The following TSGA10 variants were observed in gnomAD, a reference collection of about 807,000 sequenced individuals.
TSGA10 encodes the protein testis specific 10, also known as testis-specific gene 10 protein.
In TSGA10, 43 loss-of-function variants were observed where a neutral mutation model predicts 96.6. The ratio of observed to expected loss-of-function variants is 0.44; its 90% CI spans 0.35 to 0.57. TSGA10 has a LOEUF of 0.57. Ranked by LOEUF, TSGA10 falls within the 20% of genes least tolerant of loss-of-function variation. TSGA10 has a pLI of 0.01. For missense variants in TSGA10, 703 were observed against 834.4 expected (o/e 0.84, Z 1.94); for synonymous variants, 229 against 269.9 (o/e 0.85, Z 1.48).
rs1264466901 is a variant in TSGA10 at position 99,018,337 on chromosome 2, T to G, written c.1935A>C (p.Val645=). 9 of 1,614,068 alleles carry G rather than the reference T, an allele frequency of 5.6e-6. No homozygotes were observed. Among genetic ancestry groups the G allele is most frequent in the Non-Finnish European group, 6.8e-6 (8 of 1,180,032 alleles). The part of the protein sequence containing the change: ...GTERFERERA[V]QELRRQNYSS... ...AATAATTTTGGCGGCGAAGTTCTTG[T>G]ACGGCCCTCTCCCTAAAGCAAAATA... is the stretch of plus-strand genomic sequence containing the variant. The change falls in exon 20 of 21, where the codon GTA becomes GTC. Residue 645 remains valine (V), a synonymous_variant. Coordinates refer to ENST00000393483, the MANE Select transcript of TSGA10 (RefSeq NM_025244.4).
chr2:99,023,396 CAGA>C (rs907632594), intron 17 of TSGA10, among the ~76,000 whole-genome samples: 4 of 151,194 alleles, frequency 2.6e-5, no homozygotes, highest in South Asian at 2.1e-4. Context: ...ATTTGCAGCA[CAGA>C]AGGTTTTTTT....
chr2:99,115,595 T>A lies in TSGA10; in HGVS notation c.-140+1949A>T, dbSNP rs62156392. Among the ~76,000 whole-genome samples the A allele has an allele frequency of 5.6e-3, 852 of 152,070 alleles. 4 individuals carry two copies. The highest frequency in any genetic ancestry group is 8.4e-3 in the Non-Finnish European group (568 of 67,944). ...CTCGTGTATTTAAATATTGCACTAT[T>A]ATGGCCAGGTGTGGTGGCTCATGCC... On this transcript the variant is annotated intron_variant, in intron 4 of 20. Coordinates refer to ENST00000393483, the MANE Select transcript of TSGA10 (RefSeq NM_025244.4).
intron 20 of TSGA10, among the ~76,000 whole-genome samples, chr2:99,014,736 C>A (rs571495713): frequency 6.6e-6 from 1 of 152,014 alleles, no homozygotes; most frequent in South Asian, 2.1e-4. Flanking sequence ...AATTGATAGA[C>A]CACTAGCGAG....
At chr2:99,035,188 C>A in intron 17 of TSGA10, 42 bp downstream of exon 17, 1 of 1,416,234 alleles carries the variant, frequency 7.1e-7, no homozygotes, top group African/African-American at 1.5e-5. Flanking sequence ...ACTAACTTTA[C>A]AGTAATAGCA....
rs547227091 is a variant in TSGA10, at chr2:99,078,504, A to T, written c.882+155T>A. Among the ~76,000 whole-genome samples, 6 of 152,314 alleles carry T rather than the reference A, an allele frequency of 3.9e-5. No individual in the cohort carries two copies. The South Asian group carries it at 1.2e-3, about 32-fold the overall frequency. On this transcript the variant is annotated intron_variant, in intron 12 of 20. Coordinates refer to ENST00000393483, the MANE Select transcript of TSGA10 (RefSeq NM_025244.4). ...ACACATGCTTCCTAAGACTATCTTA[A>T]AATATTTCAAAGTCAGATTTTGAAG...
At chr2:99,123,800 A>G (rs2092695780) in intron 2 of TSGA10, among the ~76,000 whole-genome samples, 2 of 152,176 alleles carry the variant, frequency 1.3e-5, no homozygotes, top group African/African-American at 2.4e-5. Context: ...ATTTTGCAGC[A>G]TGTATCAGAA....
In TSGA10 at chr2:99,108,821, T is replaced by A; in HGVS notation, c.210+12A>T. The stretch of plus-strand genomic sequence containing the variant: ...TGTTATTACTTATATAATTTGTTTT[T>A]TGTAAGTTTACCTGTTCATAAAGAA... On this transcript the variant is annotated intron_variant, in intron 7 of 20. Coordinates refer to ENST00000393483, the MANE Select transcript of TSGA10 (RefSeq NM_025244.4). 1 of 1,526,380 alleles carries A rather than the reference T, an allele frequency of 6.6e-7. No homozygotes were observed. Among genetic ancestry groups the A allele is most frequent in the Non-Finnish European group, 8.7e-7 (1 of 1,143,156 alleles). The allele number at this position is 1,526,380 out of a possible 1,614,324, so 94.6% of individuals were successfully genotyped here.
At chr2:99,140,448 C>A (rs2093489768) in intron 1 of TSGA10, among the ~76,000 whole-genome samples, 1 of 149,720 alleles carries the variant, frequency 6.7e-6, no homozygotes, top group African/African-American at 2.5e-5. Flanking sequence ...AACGTTGGGA[C>A]ACTATAATCT....
intron 1 of TSGA10, among the ~76,000 whole-genome samples, chr2:99,153,500 G>A (rs962585135): frequency 1.3e-5 from 2 of 152,082 alleles, no homozygotes; most frequent in African/African-American, 4.8e-5. Flanking sequence ...AATAACCAAG[G>A]GACAGAAGTC....
chr2:99,123,931 T>A (rs1396159787), intron 2 of TSGA10, among the ~76,000 whole-genome samples: 1 of 152,266 alleles, frequency 6.6e-6, no homozygotes, highest in Non-Finnish European at 1.5e-5. Context: ...ATAATGCTGC[T>A]ATGAGCATTT....
chr2:99,082,308 T>C (rs2087625660), intron 10 of TSGA10, among the ~76,000 whole-genome samples: 1 of 152,248 alleles, frequency 6.6e-6, no homozygotes, highest in Admixed American at 6.5e-5. Context: ...TGTTAATCTC[T>C]CTGTAACCAT....
At chr2:99,124,690 T>C (rs561342236) in intron 2 of TSGA10, 150 of 152,236 alleles carry the variant, frequency 9.9e-4, no homozygotes, top group African/African-American at 3.5e-3. Flanking sequence ...GTTCACACAA[T>C]TCTCCTGCCT....
In TSGA10 at chr2:99,036,057, AAG is replaced by A. The variant is rs2081599176; in HGVS notation, c.1405-620_1405-619del. Reference sequence around the variant, plus strand: ...GTTACATAAATGCTTTCGAATGTTCAAGATAATTCCACCCCCACCCTTTTCTT... The same window carrying A: ...GTTACATAAATGCTTTCGAATGTTCAATAATTCCACCCCCACCCTTTTCTT... On this transcript the variant is annotated intron_variant, in intron 16 of 20. Transcript: ENST00000393483. Among the ~76,000 whole-genome samples, 4 of 152,276 alleles carry A rather than the reference AAG, an allele frequency of 2.6e-5. No homozygotes were observed. The East Asian group carries it at 5.8e-4, about 22-fold the overall frequency.
At chr2:99,002,185 C>T (rs2077987687) in intron 20 of TSGA10, among the ~76,000 whole-genome samples, 1 of 152,122 alleles carries the variant, frequency 6.6e-6, no homozygotes, top group Non-Finnish European at 1.5e-5. Context: ...ACATAATTGT[C>T]AGATTCACCG....
rs1423523901 is a variant in TSGA10 at position 99,077,110 on chromosome 2, G to A, written c.882+1549C>T. On this transcript the variant is annotated intron_variant, in intron 12 of 20. Coordinates refer to ENST00000393483, the MANE Select transcript of TSGA10 (RefSeq NM_025244.4). ...CTCCTTATTACACTAGAGGCTTTGA[G>A]AAGGCGGACCATTCACCTTTTTTTT... Among the ~76,000 whole-genome samples the A allele has an allele frequency of 7.9e-5, 11 of 139,544 alleles. No individual in the cohort carries two copies. The East Asian group carries it at 2.5e-3, about 32-fold the overall frequency. The allele number at this position is 139,544 out of a possible 152,430, so 91.5% of individuals were successfully genotyped here.
intron 2 of TSGA10, among the ~76,000 whole-genome samples, chr2:99,120,183 C>A (rs1032508005): frequency 1.3e-5 from 2 of 152,062 alleles, no homozygotes; most frequent in Non-Finnish European, 2.9e-5. Flanking sequence ...TCATTTATTA[C>A]GTATCTCACA....
chr2:99,103,636 A>G (rs2104798922), intron 10 of TSGA10, among the ~76,000 whole-genome samples: 1 of 152,370 alleles, frequency 6.6e-6, no homozygotes, highest in South Asian at 2.1e-4. Context: ...ATCCCCAAAC[A>G]GAATTTAAAG....
At chr2:99,111,835 T>C (rs1179323666) in intron 4 of TSGA10, among the ~76,000 whole-genome samples, 3 of 152,144 alleles carry the variant, frequency 2.0e-5, no homozygotes, top group East Asian at 3.8e-4. Flanking sequence ...CTACTCTGAA[T>C]GTGTTAAGAT....
intron 12 of TSGA10, among the ~76,000 whole-genome samples, chr2:99,078,003 G>A (rs866074868): frequency 6.6e-6 from 1 of 151,676 alleles, no homozygotes; most frequent in South Asian, 2.1e-4. Flanking sequence ...AGGGTGCAGC[G>A]GCTTATGCCT....
Sources: allele counts gnomAD v4.1 joint callset (sites outside exome capture counted in the v4.1 genomes callset), GRCh38; gene constraint gnomAD v4.1.1; transcripts MANE v1.5; gene names NCBI Gene and HGNC (gene_info 2026-07-23, HGNC 2026-07-21).